The following SELENOT variants were observed in gnomAD, a reference collection of about 807,000 sequenced individuals.
SELENOT encodes the protein selenoprotein T.
SELENOT carries 9 observed loss-of-function variants against 24.3 expected under a neutral mutation model. The ratio of observed to expected loss-of-function variants is 0.37; its 90% CI spans 0.22 to 0.65. The LOEUF (loss-of-function observed/expected upper bound fraction) is 0.65. SELENOT is among the 30% of genes least tolerant of loss of function. The pLI, the probability that SELENOT is intolerant of heterozygous loss-of-function variation, is 0.60. For missense variants in SELENOT, 166 were observed against 247.6 expected (o/e 0.67, Z 2.21); for synonymous variants, 81 against 86.0 (o/e 0.94, Z 0.32).
At chr3:150,615,135 A>G (rs570887975) in intron 1 of SELENOT, among the ~76,000 whole-genome samples, 7,959 of 146,046 alleles carry the variant, frequency 0.054, 274 homozygotes, top group Non-Finnish European at 0.083. Flanking sequence ...TTGTTCTTGC[A>G]ATAGTTTACT....
At chr3:150,603,592 G>A in intron 1 of SELENOT, 93 bp downstream of exon 1, 1 of 1,363,856 alleles carries the variant, frequency 7.3e-7, no homozygotes, top group Non-Finnish European at 9.8e-7. Context: ...CTAAATGGCC[G>A]CATCTTCGCT....
rs549924892 is a variant in SELENOT at position 150,613,744 on chromosome 3, G to A, written c.138-8641G>A. ...AGAGGTTCAGGTTAATTAACATGAC[G>A]GTGCATTCATCTCATTAGGTTCCCT... On this transcript the variant is annotated intron_variant, in intron 1 of 5. Transcript: ENST00000471696. Among the ~76,000 whole-genome samples the A allele has an allele frequency of 8.4e-5, 12 of 142,504 alleles. No homozygotes were observed. The East Asian group carries it at 8.8e-4, about 10-fold the overall frequency. 93.5% of individuals were successfully genotyped at this position (142,504 alleles called of 152,430 possible). A position where few individuals can be genotyped will look rare whatever the true frequency, so the allele number is the denominator to read the frequency against.
chr3:150,609,701 A>G (rs1337013583), intron 1 of SELENOT, among the ~76,000 whole-genome samples: 1 of 152,134 alleles, frequency 6.6e-6, no homozygotes, highest in Admixed American at 6.5e-5. Flanking sequence ...AAAGTTGGGA[A>G]TGGGAGCATG....
At chr3:150,625,864 C>T (rs1559899378) in intron 4 of SELENOT, among the ~76,000 whole-genome samples, 1 of 146,578 alleles carries the variant, frequency 6.8e-6, no homozygotes, top group Non-Finnish European at 1.5e-5. Context: ...CTGTTCTAAA[C>T]AATAACTTTT....
intron 1 of SELENOT, among the ~76,000 whole-genome samples, chr3:150,609,813 GT>G (rs1448005421): frequency 2.6e-5 from 4 of 152,278 alleles, no homozygotes; most frequent in Non-Finnish European, 5.9e-5. Flanking sequence ...CTGAAGCAGA[GT>G]TTAGGTAATT....
chr3:150,604,861 C>A (rs970251051), intron 1 of SELENOT, among the ~76,000 whole-genome samples: 1 of 151,954 alleles, frequency 6.6e-6, no homozygotes. Flanking sequence ...CATGGAGAAA[C>A]CCCCATCTCT....
In SELENOT at chr3:150,603,621, C is replaced by G. The variant is rs1364168084; in HGVS notation, c.137+122C>G. The G allele has an allele frequency of 5.0e-6, 6 of 1,198,360 alleles. No homozygotes were observed. In the Admixed American group the frequency reaches 9.3e-5, roughly 19 times the overall value. 74.2% of individuals were successfully genotyped at this position (1,198,360 alleles called of 1,614,324 possible). A position where few individuals can be genotyped will look rare whatever the true frequency, so the allele number is the denominator to read the frequency against. On this transcript the variant is annotated intron_variant, in intron 1 of 5. Transcript: ENST00000471696. Reference sequence around the variant, plus strand: ...CTTCGCTGGCCTCGTAGAACTGTGCCGGCGCCCTTCCACAGCCAGCCTTCT... The same window carrying G: ...CTTCGCTGGCCTCGTAGAACTGTGCGGGCGCCCTTCCACAGCCAGCCTTCT...
rs567602276 is a variant in SELENOT, at chr3:150,622,004, T to C, written c.138-381T>C. Among the ~76,000 whole-genome samples, 4 of 152,232 alleles carry C rather than the reference T, an allele frequency of 2.6e-5. No individual in the cohort carries two copies. The South Asian group carries it at 6.2e-4, about 24-fold the overall frequency. On this transcript the variant is annotated intron_variant, in intron 1 of 5. Transcript: ENST00000471696. ...TTCATTTCACTGTTTATACAAGTAA[T>C]TGATACTCCCCCAAAAAGGCCAAAT... is the stretch of plus-strand genomic sequence containing the variant.
At chr3:150,604,694 G>C (rs1434905531) in intron 1 of SELENOT, among the ~76,000 whole-genome samples, 1 of 152,158 alleles carries the variant, frequency 6.6e-6, no homozygotes, top group Non-Finnish European at 1.5e-5. Flanking sequence ...AAGATGGTGA[G>C]ACTTTATTTT....
At chr3:150,622,334 A>G (rs1226800728) in intron 1 of SELENOT, 51 bp from the exon 2 acceptor site, 1 of 879,860 alleles carries the variant, frequency 1.1e-6, no homozygotes, top group Non-Finnish European at 1.6e-6. Flanking sequence ...ACTACAAAAT[A>G]AATCTAGATG....
Position 150,611,338 on chromosome 3 carries a change from T to C in SELENOT, c.137+7839T>C, listed in dbSNP as rs972054657. 8.4e-6 allele frequency: 10 copies of C among 1,195,532 alleles called. No homozygotes were observed. The African/African-American group carries it at 1.3e-4, about 16-fold the overall frequency. 74.1% of individuals were successfully genotyped at this position (1,195,532 alleles called of 1,614,324 possible). A position where few individuals can be genotyped will look rare whatever the true frequency, so the allele number is the denominator to read the frequency against. ...TGATTAGATGAAATATGTTAAGGTG[T>C]CTTTTTCACTCACTGGAATAGACCT... On this transcript the variant is annotated intron_variant, in intron 1 of 5. Coordinates refer to ENST00000471696, the MANE Select transcript of SELENOT (RefSeq NM_016275.5).
At chr3:150,617,343 A>G (rs928492804) in intron 1 of SELENOT, among the ~76,000 whole-genome samples, 1 of 152,168 alleles carries the variant, frequency 6.6e-6, no homozygotes, top group African/African-American at 2.4e-5. Context: ...ACTCATGCCT[A>G]TAATCCTAGC....
intron 4 of SELENOT, 41 bp from the exon 5 acceptor site, chr3:150,626,969 A>G: frequency 6.3e-7 from 1 of 1,595,484 alleles, no homozygotes; most frequent in Middle Eastern, 2.3e-4. Flanking sequence ...TTATAAAATC[A>G]TCTTTAATTT....
intron 1 of SELENOT, among the ~76,000 whole-genome samples, chr3:150,612,539 AAAAC>A (rs1726118608): frequency 6.6e-6 from 1 of 152,240 alleles, no homozygotes; most frequent in Non-Finnish European, 1.5e-5. Flanking sequence ...TTATATGACT[AAAAC>A]AAGTTAACCT....
intron 1 of SELENOT, among the ~76,000 whole-genome samples, chr3:150,606,688 G>T (rs755191009): frequency 6.6e-6 from 1 of 152,006 alleles, no homozygotes; most frequent in Non-Finnish European, 1.5e-5. Flanking sequence ...TGCCTCCTGG[G>T]CTCAAGAGAT....
chr3:150,612,923 G>T (rs1189840439), intron 1 of SELENOT, among the ~76,000 whole-genome samples: 2 of 152,180 alleles, frequency 1.3e-5, no homozygotes, highest in Admixed American at 6.5e-5. Context: ...TTAAGATTGT[G>T]ACTAGACAGA....
At chr3:150,623,845 A>G (rs1380722428) in intron 3 of SELENOT, among the ~76,000 whole-genome samples, 1 of 152,042 alleles carries the variant, frequency 6.6e-6, no homozygotes, top group Non-Finnish European at 1.5e-5. Context: ...CCTGTCTAAA[A>G]TGGGTCTAAT....
intron 1 of SELENOT, chr3:150,619,003 G>C (rs1726277707): frequency 6.6e-6 from 1 of 152,114 alleles, no homozygotes; most frequent in Non-Finnish European, 1.5e-5. Flanking sequence ...AGTTGATTCC[G>C]TATAGTAAGG....
intron 1 of SELENOT, among the ~76,000 whole-genome samples, chr3:150,619,467 C>T (rs1257795283): frequency 6.6e-6 from 1 of 151,874 alleles, no homozygotes; most frequent in African/African-American, 2.4e-5. Flanking sequence ...ATGCGGGAGG[C>T]GGAGTTTGCA....
Sources: gnomAD v4.1 joint callset for allele counts (sites outside exome capture counted in the v4.1 genomes callset) on GRCh38, gnomAD v4.1.1 for gene constraint, MANE v1.5 for transcripts, NCBI Gene and HGNC (gene_info 2026-07-23, HGNC 2026-07-21) for gene names.